NKAIN3: variants seen among roughly 807,000 people sequenced by gnomAD.
The protein encoded by NKAIN3 is sodium/potassium transporting ATPase interacting 3.
Under a neutral mutation model 30.2 loss-of-function variants are expected in NKAIN3, and 25 were observed. The observed-to-expected ratio is 0.83, with a 90% confidence interval of 0.60 to 1.16. The LOEUF (loss-of-function observed/expected upper bound fraction) is 1.16, where lower values mean the gene tolerates loss of function less well. NKAIN3 is among the 50% of genes most tolerant of loss of function. The probability of loss-of-function intolerance (pLI) is 0.00; values close to 1 mark genes in which losing one functional copy is unlikely to be tolerated. For synonymous variants in NKAIN3, 91 were observed against 89.6 expected (o/e 1.02, Z -0.09); for missense variants, 225 against 254.1 (o/e 0.89, Z 0.78).
chr8:62,583,811 T>C (rs1331914050), intron 2 of NKAIN3, among the ~76,000 whole-genome samples: 1 of 152,224 alleles, frequency 6.6e-6, no homozygotes, highest in Non-Finnish European at 1.5e-5. Context: ...AAGCTCCAGA[T>C]TACGTCTTAT....
chr8:62,319,819 G>A (rs1306182260), intron 1 of NKAIN3, among the ~76,000 whole-genome samples: 1 of 152,152 alleles, frequency 6.6e-6, no homozygotes, highest in Non-Finnish European at 1.5e-5. Flanking sequence ...TTGATTTTGG[G>A]TGGAGAGTTC....
In NKAIN3 at chr8:62,975,294, C is replaced by CT. The variant is rs564494327; in HGVS notation, c.*9897dup. 2.2e-3 allele frequency among the ~76,000 whole-genome samples: 321 copies of CT among 146,350 alleles called. No individual in the cohort carries two copies. The highest frequency in any genetic ancestry group is 4.9e-3 in the Admixed American group (72 of 14,698). On this transcript the variant is annotated 3_prime_UTR_variant, in exon 7 of 7. Transcript: ENST00000623646. ...AGCTATGAGTCCATCTGGTCCTGGGCTTTTTTTTTTAGTTGGTCAGCTATT... is the reference window on the plus strand; with the variant it reads ...AGCTATGAGTCCATCTGGTCCTGGGCTTTTTTTTTTTAGTTGGTCAGCTATT...
intron 4 of NKAIN3, among the ~76,000 whole-genome samples, chr8:62,853,013 A>T (rs1819955700): frequency 6.6e-6 from 1 of 152,124 alleles, no homozygotes; most frequent in Non-Finnish European, 1.5e-5. Flanking sequence ...TATCCTTGTT[A>T]ACATTCTGTC....
chr8:62,469,471 T>C (rs745739162), intron 1 of NKAIN3, among the ~76,000 whole-genome samples: 13 of 152,092 alleles, frequency 8.5e-5, no homozygotes, highest in Non-Finnish European at 1.2e-4. Context: ...GCCCCACTGG[T>C]TTTACTAACA....
At chr8:62,429,000 T>G (rs1585798468) in intron 1 of NKAIN3, among the ~76,000 whole-genome samples, 1 of 151,978 alleles carries the variant, frequency 6.6e-6, no homozygotes, top group East Asian at 1.9e-4. Context: ...TGATTTGATT[T>G]TTGTAATATG....
intron 1 of NKAIN3, among the ~76,000 whole-genome samples, chr8:62,329,123 T>A (rs1815249079): frequency 1.3e-5 from 2 of 151,862 alleles, no homozygotes; most frequent in Admixed American, 1.3e-4. Flanking sequence ...CTCAGCCCAG[T>A]CAAGTTTCAA....
At chr8:62,379,290 T>C (rs1270971780) in intron 1 of NKAIN3, among the ~76,000 whole-genome samples, 1 of 152,230 alleles carries the variant, frequency 6.6e-6, no homozygotes, top group African/African-American at 2.4e-5. Context: ...CAGAAGGGAC[T>C]TGCCTTGTCT....
intron 1 of NKAIN3, among the ~76,000 whole-genome samples, chr8:62,499,212 G>A (rs1807338932): frequency 6.6e-6 from 1 of 152,126 alleles, no homozygotes; most frequent in Non-Finnish European, 1.5e-5. Flanking sequence ...CCCATGCTAA[G>A]GCCTTGGTAA....
chr8:62,297,982 AC>A (rs1452630255), intron 1 of NKAIN3, among the ~76,000 whole-genome samples: 1 of 152,156 alleles, frequency 6.6e-6, no homozygotes, highest in Non-Finnish European at 1.5e-5. Flanking sequence ...ACCATGGAAT[AC>A]TATGCAGCCA....
chr8:62,988,042 G>C (rs1307276969), downstream of NKAIN3, among the ~76,000 whole-genome samples: 1 of 152,192 alleles, frequency 6.6e-6, no homozygotes, highest in Non-Finnish European at 1.5e-5. Context: ...GGAATCCAAT[G>C]GGGCAGTCAT....
chr8:62,644,445 G>A (rs927163971), intron 3 of NKAIN3, among the ~76,000 whole-genome samples: 7 of 151,698 alleles, frequency 4.6e-5, no homozygotes, highest in Non-Finnish European at 1.0e-4. Context: ...TTTTTTTTAA[G>A]CCTTTCAAAA....
chr8:62,635,831 G>A (rs1056440366), intron 3 of NKAIN3, among the ~76,000 whole-genome samples: 1 of 152,090 alleles, frequency 6.6e-6, no homozygotes, highest in Non-Finnish European at 1.5e-5. Flanking sequence ...AGCCTAAATG[G>A]ACTACGACAG....
chr8:62,633,195 G>A (rs1030320101), intron 3 of NKAIN3, among the ~76,000 whole-genome samples: 2 of 152,066 alleles, frequency 1.3e-5, no homozygotes, highest in African/African-American at 4.8e-5. Flanking sequence ...AAATTAATTC[G>A]CACCTCGCAG....
intron 1 of NKAIN3, among the ~76,000 whole-genome samples, chr8:62,433,780 G>T (rs912309715): frequency 6.6e-6 from 1 of 152,096 alleles, no homozygotes; most frequent in Non-Finnish European, 1.5e-5. Flanking sequence ...ATTAAGAGGA[G>T]TTGGAAACTT....
intron 1 of NKAIN3, among the ~76,000 whole-genome samples, chr8:62,423,350 T>C (rs1804705089): frequency 6.6e-6 from 1 of 151,318 alleles, no homozygotes; most frequent in Non-Finnish European, 1.5e-5. Flanking sequence ...CCGTGCTGTT[T>C]CTCAAGTTCT....
chr8:62,795,635 T>A (rs1817836470), intron 4 of NKAIN3, among the ~76,000 whole-genome samples: 1 of 152,224 alleles, frequency 6.6e-6, no homozygotes, highest in African/African-American at 2.4e-5. Flanking sequence ...AAAAGAGAAT[T>A]AGTAACAATA....
In NKAIN3 at chr8:62,540,024, G is replaced by T. The variant is rs114508162; in HGVS notation, c.55-39515G>T. 4.3e-3 allele frequency among the ~76,000 whole-genome samples: 659 copies of T among 152,252 alleles called. 3 individuals are homozygous for T. The highest frequency in any genetic ancestry group is 0.015 in the African/African-American group (621 of 41,546). On this transcript the variant is annotated intron_variant, in intron 1 of 6. Coordinates refer to ENST00000623646, the MANE Select transcript of NKAIN3 (RefSeq NM_001304533.3). ...CATGGAGAACTGTAACACTCTTGGT[G>T]ACTATTATGGTATTTTATTGCTTTT...
chr8:62,899,785 T>TG (rs1821545608), intron 4 of NKAIN3, among the ~76,000 whole-genome samples: 1 of 152,162 alleles, frequency 6.6e-6, no homozygotes, highest in Non-Finnish European at 1.5e-5. Context: ...CTTGAAGGGA[T>TG]GGATACCCCA....
chr8:62,811,853 T>C (rs1243357170), intron 4 of NKAIN3, among the ~76,000 whole-genome samples: 1 of 152,030 alleles, frequency 6.6e-6, no homozygotes, highest in Admixed American at 6.6e-5. Flanking sequence ...ATAGGGTCTT[T>C]CCCAAAGCAT....
Sources: gnomAD v4.1 joint callset for allele counts (sites outside exome capture counted in the v4.1 genomes callset) on GRCh38, gnomAD v4.1.1 for gene constraint, MANE v1.5 for transcripts, NCBI Gene and HGNC (gene_info 2026-07-23, HGNC 2026-07-21) for gene names.